Variants in PARD3B observed in about 807,000 individuals in gnomAD.
PARD3B encodes par-3 family cell polarity regulator beta.
In PARD3B, 103 loss-of-function variants were observed where a neutral mutation model predicts 130.2. The ratio of observed to expected loss-of-function variants is 0.79; its 90% CI spans 0.67 to 0.93. The LOEUF is 0.93. Ranked by LOEUF, PARD3B falls within the 40% of genes least tolerant of loss-of-function variation. The pLI is 0.00. For missense variants in PARD3B, 1,609 were observed against 1,499.2 expected (o/e 1.07, Z -1.21); for synonymous variants, 583 against 553.2 (o/e 1.05, Z -0.76).
chr2:204,847,076 G>A (rs1238561094), intron 2 of PARD3B, among the ~76,000 whole-genome samples: 3 of 151,910 alleles, frequency 2.0e-5, no homozygotes, highest in South Asian at 2.1e-4. Context: ...ATAGACTATC[G>A]CCACGTATTT....
At chr2:204,880,303 G>A (rs2045990730) in intron 2 of PARD3B, among the ~76,000 whole-genome samples, 1 of 152,116 alleles carries the variant, frequency 6.6e-6, no homozygotes, top group Non-Finnish European at 1.5e-5. Context: ...CTACTATTAT[G>A]TGTTATATAG....
Position 205,125,808 on chromosome 2 carries a change from C to G in PARD3B, c.1434+71C>G. 6.5e-7 allele frequency: 1 copy of G among 1,542,114 alleles called. No individual in the cohort carries two copies. The highest frequency in any genetic ancestry group is 8.8e-7 in the Non-Finnish European group (1 of 1,135,470). On this transcript the variant is annotated intron_variant, in intron 10 of 22. Coordinates refer to ENST00000406610, the MANE Select transcript of PARD3B (RefSeq NM_001302769.2). This position sits in a 1 kb window ranked among gnomAD's most constrained non-coding sequence, Gnocchi z 4.0. The stretch of plus-strand genomic sequence containing the variant: ...AATACACTCAATGAACTCATTATAG[C>G]TGAGAAACGAGTTCTAAATCACAGG...
chr2:204,687,644 A>G (rs973089637), intron 2 of PARD3B, among the ~76,000 whole-genome samples: 4 of 152,224 alleles, frequency 2.6e-5, no homozygotes, highest in African/African-American at 9.6e-5. Flanking sequence ...GGGTAAATAA[A>G]AGGGTAACTA....
At chr2:205,324,077 G>A (rs2042852973) in intron 18 of PARD3B, among the ~76,000 whole-genome samples, 2 of 152,098 alleles carry the variant, frequency 1.3e-5, no homozygotes, top group Non-Finnish European at 2.9e-5. Flanking sequence ...CCCCAAGACT[G>A]TATTACACAC....
chr2:204,692,366 C>T (rs989937642), intron 2 of PARD3B, among the ~76,000 whole-genome samples: 2 of 151,932 alleles, frequency 1.3e-5, no homozygotes, highest in African/African-American at 2.4e-5. Flanking sequence ...GACTTCTTCC[C>T]GCCTACCTGT....
In PARD3B at chr2:204,943,284, C is replaced by T. The variant is rs771409353; in HGVS notation, c.223-21868C>T. Among the ~76,000 whole-genome samples, 2 of 152,004 alleles carry T rather than the reference C, an allele frequency of 1.3e-5. No homozygotes were observed. Among genetic ancestry groups the T allele is most frequent in the African/African-American group, 4.8e-5 (2 of 41,368 alleles). ...CTAATTATTTTCTCTCCTAAAAGGA[C>T]GGTGACTGGAAAGATCGCATAGGTC... is the stretch of plus-strand genomic sequence containing the variant. On this transcript the variant is annotated intron_variant, in intron 2 of 22. Transcript: ENST00000406610. The surrounding 1 kb of genome is among the most constrained non-coding windows in gnomAD (Gnocchi z 4.2).
At chr2:204,659,995 A>C (rs945429111) in intron 1 of PARD3B, among the ~76,000 whole-genome samples, 5 of 152,164 alleles carry the variant, frequency 3.3e-5, no homozygotes, top group African/African-American at 9.7e-5. Flanking sequence ...TTCAGTCTAC[A>C]TGGGGACCTC....
At chr2:204,700,507 T>A (rs1328127653) in intron 2 of PARD3B, among the ~76,000 whole-genome samples, 1 of 152,158 alleles carries the variant, frequency 6.6e-6, no homozygotes, top group Non-Finnish European at 1.5e-5. Context: ...CTGGATTGAA[T>A]TTTTGACACG....
intron 10 of PARD3B, among the ~76,000 whole-genome samples, chr2:205,155,538 T>A (rs1009875420): frequency 6.6e-6 from 1 of 152,106 alleles, no homozygotes; most frequent in African/African-American, 2.4e-5. Context: ...AATAAAAAAA[T>A]TTTGATTTGT....
At chr2:205,454,690 T>C (rs556508049) in intron 20 of PARD3B, among the ~76,000 whole-genome samples, 63 of 152,308 alleles carry the variant, frequency 4.1e-4, no homozygotes, top group Admixed American at 7.2e-4. Flanking sequence ...GAAGATTTTC[T>C]ATGTCAAGTT....
intron 22 of PARD3B, among the ~76,000 whole-genome samples, chr2:205,593,737 G>C (rs2054473410): frequency 6.6e-6 from 1 of 152,132 alleles, no homozygotes; most frequent in Non-Finnish European, 1.5e-5. Flanking sequence ...GGCGAGAGGT[G>C]GGGTAGAAAT....
intron 18 of PARD3B, among the ~76,000 whole-genome samples, chr2:205,393,156 G>C (rs574121871): frequency 6.6e-6 from 1 of 152,156 alleles, no homozygotes; most frequent in Admixed American, 6.5e-5. Flanking sequence ...CAGCATATGC[G>C]TATGCTAATT....
At chr2:205,259,263 A>G (rs1176657414) in intron 16 of PARD3B, among the ~76,000 whole-genome samples, 2 of 152,134 alleles carry the variant, frequency 1.3e-5, no homozygotes, top group African/African-American at 4.8e-5. Flanking sequence ...CTTCTGAAGT[A>G]TGCCTTCCAG....
intron 3 of PARD3B, among the ~76,000 whole-genome samples, chr2:204,977,797 G>C (rs1692313402): frequency 7.5e-6 from 1 of 133,468 alleles, no homozygotes; most frequent in Non-Finnish European, 1.6e-5. Context: ...GGGTGACAGA[G>C]CGAGACTCCG....
chr2:205,087,814 A>C (rs1441949619), intron 4 of PARD3B, among the ~76,000 whole-genome samples: 4 of 148,434 alleles, frequency 2.7e-5, no homozygotes, highest in Non-Finnish European at 6.1e-5. Context: ...AAGGAAAAAC[A>C]GCTCTACCAG....
intron 20 of PARD3B, among the ~76,000 whole-genome samples, chr2:205,448,533 G>T (rs1225574294): frequency 6.6e-6 from 1 of 152,076 alleles, no homozygotes; most frequent in Non-Finnish European, 1.5e-5. Context: ...TTACTTGTTA[G>T]GGTTAGCCCA....
intron 18 of PARD3B, among the ~76,000 whole-genome samples, chr2:205,367,577 G>A (rs1276160864): frequency 6.6e-6 from 1 of 152,114 alleles, no homozygotes; most frequent in East Asian, 1.9e-4. Context: ...TCAGAGGATC[G>A]GATTATCTTT....
intron 4 of PARD3B, among the ~76,000 whole-genome samples, chr2:205,064,691 C>T (rs1575683443): frequency 1.3e-5 from 2 of 152,162 alleles, no homozygotes; most frequent in East Asian, 1.9e-4. Flanking sequence ...CAGTGAGTGC[C>T]GTAAGTTCAG....
chr2:205,232,261 G>A (rs2038873339), intron 15 of PARD3B, among the ~76,000 whole-genome samples: 1 of 152,122 alleles, frequency 6.6e-6, no homozygotes. Context: ...ACCAGCCTGG[G>A]CGATATAGTG....
Sources: gnomAD v4.1 joint callset for allele counts (sites outside exome capture counted in the v4.1 genomes callset) on GRCh38, gnomAD v4.1.1 for gene constraint, Gnocchi (gnomAD v3.1) non-coding constraint, MANE v1.5 for transcripts, NCBI Gene and HGNC (gene_info 2026-07-23, HGNC 2026-07-21) for gene names.